Variants in GRAMD1C observed in about 807,000 individuals in gnomAD.
The protein encoded by GRAMD1C is GRAM domain containing 1C, also known as protein Aster-C.
In GRAMD1C, 89 loss-of-function variants were observed where a neutral mutation model predicts 97.8. The ratio of observed to expected loss-of-function variants is 0.91; its 90% CI spans 0.77 to 1.09. The LOEUF (loss-of-function observed/expected upper bound fraction) is 1.09, where lower values mean the gene tolerates loss of function less well. Ranked by LOEUF, GRAMD1C falls within the 50% of genes least tolerant of loss-of-function variation. GRAMD1C has a pLI of 0.00. For missense variants in GRAMD1C, 740 were observed against 766.4 expected, an observed-to-expected ratio of 0.97 and a Z score of 0.41; for synonymous variants, 256 against 267.0, an observed-to-expected ratio of 0.96 and a Z score of 0.40.
intron 1 of GRAMD1C, among the ~76,000 whole-genome samples, chr3:113,842,126 G>A (rs938453513): frequency 4.6e-5 from 7 of 152,202 alleles, no homozygotes; most frequent in Admixed American, 2.6e-4. Flanking sequence ...TACCACCATC[G>A]TGGAGTATTT....
chr3:113,869,552 C>A lies in GRAMD1C; in HGVS notation c.220C>A (p.Gln74Lys). 6.4e-7 allele frequency: 1 copy of A among 1,554,512 alleles called. No individual in the cohort carries two copies. The highest frequency in any genetic ancestry group is 8.8e-7 in the Non-Finnish European group (1 of 1,136,958). ...YKDRNEEYRR[Q>K]FTHLPDTERL... is the part of the protein sequence containing the mutation. ...AGACAGGAATGAGGAATACAGAAGA[C>A]AGTTCACACATCTACCTGATACAGA... The change falls in exon 3 of 18, where the codon CAG becomes AAG. Residue 74 changes from glutamine to lysine, a missense_variant. Transcript: ENST00000358160.
chr3:113,924,409 T>C (rs1340540889), intron 10 of GRAMD1C, among the ~76,000 whole-genome samples: 1 of 152,174 alleles, frequency 6.6e-6, no homozygotes, highest in African/African-American at 2.4e-5. Context: ...TGTGGGTGTT[T>C]AGCACTATAA....
At chr3:113,939,037 G>A (rs1937640868) in intron 15 of GRAMD1C, 2 of 152,124 alleles carry the variant, frequency 1.3e-5, no homozygotes, top group South Asian at 4.1e-4. Context: ...TACAGAAAAT[G>A]TTTACTCAAA....
rs1934787350 is a variant in GRAMD1C, at chr3:113,871,017, A to G, written c.259+1426A>G. On this transcript the variant is annotated intron_variant, in intron 3 of 17. Transcript: ENST00000358160. ...CACACACACACACACACACACACACACACACAGAGGAATATTAAGTACTAA... is the reference window on the plus strand; with the variant it reads ...CACACACACACACACACACACACACGCACACAGAGGAATATTAAGTACTAA... Among the ~76,000 whole-genome samples, 3 of 63,896 alleles carry G rather than the reference A, an allele frequency of 4.7e-5. 1 individual carries two copies. Among genetic ancestry groups the G allele is most frequent in the African/African-American group, 1.2e-4 (3 of 24,216 alleles). 41.9% of individuals were successfully genotyped at this position (63,896 alleles called of 152,430 possible).
intron 5 of GRAMD1C, among the ~76,000 whole-genome samples, chr3:113,878,628 C>T (rs1935141232): frequency 6.6e-6 from 1 of 152,124 alleles, no homozygotes; most frequent in Admixed American, 6.5e-5. Context: ...TTTATGTAAT[C>T]ACGTGATTTA....
At chr3:113,836,530 CT>C (rs33997794), upstream of GRAMD1C, among the ~76,000 whole-genome samples, 67 of 147,380 alleles carry the variant, frequency 4.5e-4, no homozygotes, top group African/African-American at 7.7e-4. Flanking sequence ...CTCCTAAATA[CT>C]TTTTTTTTTT....
chr3:113,909,423 A>G (rs1431682862), intron 9 of GRAMD1C, among the ~76,000 whole-genome samples: 3 of 152,226 alleles, frequency 2.0e-5, no homozygotes. Context: ...CTCACACGTC[A>G]TAGGTAGAGT....
chr3:113,891,383 A>G (rs1935718212), intron 6 of GRAMD1C, among the ~76,000 whole-genome samples: 1 of 152,144 alleles, frequency 6.6e-6, no homozygotes, highest in African/African-American at 2.4e-5. Context: ...GGTGCTTGGT[A>G]TAGTCTTGGT....
In GRAMD1C at chr3:113,882,754, T is replaced by C; in HGVS notation, c.462T>C (p.Phe154=). The C allele has an allele frequency of 6.4e-7, 1 of 1,565,200 alleles. No individual in the cohort carries two copies. ...TCTCCTATTATTTTTCTTTGCAGTTTTTCTTCACATCTTTTGGTGCCAGGG... is the reference window on the plus strand; with the variant it reads ...TCTCCTATTATTTTTCTTTGCAGTTCTTCTTCACATCTTTTGGTGCCAGGG... The part of the protein sequence containing the change: ...AIQIVTESEK[F]FFTSFGARDR... The change falls in exon 6 of 18, where the codon TTT becomes TTC. Residue 154 remains phenylalanine, a splice_region_variant and synonymous_variant. Coordinates refer to ENST00000358160, the MANE Select transcript of GRAMD1C (RefSeq NM_017577.5).
At chr3:113,885,911 G>A in intron 6 of GRAMD1C, 1 of 1,612,872 alleles carries the variant, frequency 6.2e-7, no homozygotes, top group Non-Finnish European at 8.5e-7. Context: ...TCAAATCCTG[G>A]TTCAGTGACC....
intron 6 of GRAMD1C, among the ~76,000 whole-genome samples, chr3:113,886,595 C>T (rs1389127441): frequency 6.6e-6 from 1 of 151,300 alleles, no homozygotes; most frequent in Non-Finnish European, 1.5e-5. Context: ...TTTTCCTTTC[C>T]TCTCTTTTAA....
At position 113,832,146 on chromosome 3, in the gene GRAMD1C, C is replaced by T. The variant is rs565773379; in HGVS notation, n.98+3867C>T. Among the ~76,000 whole-genome samples, 6 of 152,124 alleles carry T rather than the reference C, an allele frequency of 3.9e-5. 1 individual carries two copies. The South Asian group carries it at 1.0e-3, about 26-fold the overall frequency. On this transcript the variant is annotated intron_variant and non_coding_transcript_variant, in intron 1 of 18. Transcript: ENST00000479212. ...CCATTTCCCCAGTTCAAGAGAGTCT[C>T]GTGCCTCAGCCTCACGAACTACAGG...
chr3:113,931,394 T>C (rs1291702775), intron 11 of GRAMD1C, among the ~76,000 whole-genome samples: 1 of 151,402 alleles, frequency 6.6e-6, no homozygotes, highest in Non-Finnish European at 1.5e-5. Context: ...GGAGTCTCAC[T>C]GTTGCCCAGG....
At chr3:113,939,813 G>T in intron 15 of GRAMD1C, 73 bp from the exon 16 acceptor site, 2 of 768,546 alleles carry the variant, frequency 2.6e-6, no homozygotes, top group Admixed American at 2.0e-5. Context: ...TGAAGCTTTT[G>T]CATGTATATT....
chr3:113,922,191 C>T lies in GRAMD1C; in HGVS notation c.1090+6353C>T, dbSNP rs149903694. Reference sequence around the variant, plus strand: ...GACTCAAACAATTCTCCTGCCTCAGCCCCCCAAGTAGCTGGGACTACAGGT... The same window carrying T: ...GACTCAAACAATTCTCCTGCCTCAGTCCCCCAAGTAGCTGGGACTACAGGT... On this transcript the variant is annotated intron_variant, in intron 10 of 17. Transcript: ENST00000358160. Among the ~76,000 whole-genome samples, 16 of 152,130 alleles carry T rather than the reference C, an allele frequency of 1.1e-4. No homozygotes were observed. The East Asian group carries it at 2.5e-3, about 24-fold the overall frequency.
chr3:113,855,605 T>C (rs1192989884), intron 2 of GRAMD1C, among the ~76,000 whole-genome samples: 4 of 151,030 alleles, frequency 2.6e-5, no homozygotes, highest in Admixed American at 1.3e-4. Flanking sequence ...CTTGGAAGGC[T>C]GAGGTGGGAG....
chr3:113,900,087 C>T (rs1004613842), intron 6 of GRAMD1C, among the ~76,000 whole-genome samples: 6 of 151,992 alleles, frequency 3.9e-5, no homozygotes, highest in African/African-American at 1.4e-4. Context: ...GGCTAGGCAC[C>T]ATGTCTCACG....
At chr3:113,930,182 A>G (rs1385818968) in intron 10 of GRAMD1C, among the ~76,000 whole-genome samples, 2 of 152,350 alleles carry the variant, frequency 1.3e-5, no homozygotes, top group East Asian at 3.9e-4. Context: ...TTATATAATC[A>G]TTTATGTTCC....
intron 9 of GRAMD1C, among the ~76,000 whole-genome samples, chr3:113,914,680 GT>G (rs573913049): frequency 0.02 from 2,887 of 145,288 alleles, 82 homozygotes; most frequent in African/African-American, 0.066. Flanking sequence ...CTGTTCCTTG[GT>G]TTTTTTTTTT....
Sources: allele counts gnomAD v4.1 joint callset (sites outside exome capture counted in the v4.1 genomes callset), GRCh38; gene constraint gnomAD v4.1.1; transcripts MANE v1.5; gene names NCBI Gene and HGNC (gene_info 2026-07-23, HGNC 2026-07-21).